The following CPNE4 variants were observed in gnomAD, a reference collection of about 807,000 sequenced individuals.
The protein encoded by CPNE4 is copine 4, also known as copine-4.
CPNE4 carries 25 observed loss-of-function variants against 67.9 expected under a neutral mutation model. The ratio of observed to expected loss-of-function variants is 0.37; its 90% confidence interval spans 0.27 to 0.51. CPNE4 has a LOEUF of 0.51. Among genes scored for constraint, CPNE4 ranks in the 20% least tolerant of loss-of-function variants. The pLI is 0.93. For synonymous variants in CPNE4, 242 were observed against 244.9 expected, an observed-to-expected ratio of 0.99 and a Z score of 0.11; for missense variants, 464 against 690.8, an observed-to-expected ratio of 0.67 and a Z score of 3.68.
chr3:131,883,103 C>T (rs983876236), intron 2 of CPNE4, among the ~76,000 whole-genome samples: 3 of 152,136 alleles, frequency 2.0e-5, no homozygotes, highest in African/African-American at 7.2e-5. Flanking sequence ...TTTACTTCTA[C>T]AAGAACTTAT....
intron 7 of CPNE4, among the ~76,000 whole-genome samples, chr3:131,624,710 T>G (rs1297393504): frequency 6.6e-6 from 1 of 152,186 alleles, no homozygotes; most frequent in African/African-American, 2.4e-5. Context: ...GGAGTAATTT[T>G]TCAGGAGGCA....
intron 1 of CPNE4, among the ~76,000 whole-genome samples, chr3:132,013,243 A>G (rs1420028390): frequency 3.3e-5 from 5 of 152,220 alleles, no homozygotes; most frequent in African/African-American, 1.2e-4. Flanking sequence ...GAAAATAAAA[A>G]GAATTCATGT....
intron 1 of CPNE4, among the ~76,000 whole-genome samples, chr3:132,002,819 A>C (rs1270927177): frequency 6.6e-6 from 1 of 152,176 alleles, no homozygotes; most frequent in Non-Finnish European, 1.5e-5. Context: ...AAATAGAAGA[A>C]TGGATCAAAA....
At chr3:131,573,938 C>G (rs2107680409) in intron 10 of CPNE4, among the ~76,000 whole-genome samples, 1 of 152,170 alleles carries the variant, frequency 6.6e-6, no homozygotes, top group South Asian at 2.1e-4. Context: ...TTAGGAAGGA[C>G]ATAGGTATAC....
chr3:131,910,993 A>G (rs1054870472), intron 1 of CPNE4, among the ~76,000 whole-genome samples: 2 of 152,202 alleles, frequency 1.3e-5, no homozygotes, highest in African/African-American at 4.8e-5. Flanking sequence ...TGTGGCAGAC[A>G]GAGGCTAAGA....
At chr3:131,838,927 C>T (rs2085665090) in intron 2 of CPNE4, among the ~76,000 whole-genome samples, 1 of 151,318 alleles carries the variant, frequency 6.6e-6, no homozygotes, top group Non-Finnish European at 1.5e-5. Flanking sequence ...TTTTCTTAGA[C>T]CAAATAAAAT....
chr3:131,677,746 G>A (rs1302044754), intron 6 of CPNE4, among the ~76,000 whole-genome samples: 2 of 151,982 alleles, frequency 1.3e-5, no homozygotes, highest in Non-Finnish European at 2.9e-5. Flanking sequence ...AGTTGAAGGT[G>A]GGTGGTCATA....
chr3:131,862,699 T>TTATATA (rs72370844), intron 2 of CPNE4, among the ~76,000 whole-genome samples: 23 of 138,488 alleles, frequency 1.7e-4, no homozygotes, highest in South Asian at 4.4e-4. Context: ...TTTTAAGTTC[T>TTATATA]TATATATATA....
chr3:131,680,938 T>G lies in CPNE4; in HGVS notation c.591+4937A>C, dbSNP rs1451492007. Among the ~76,000 whole-genome samples the G allele has an allele frequency of 2.6e-5, 4 of 152,230 alleles. No homozygotes were observed. In the East Asian group the frequency reaches 7.7e-4, roughly 29 times the overall value. ...TAATATTTGGTTTTCCATTCCTGAG[T>G]TACTTCACTTAGAATAATAATCTCC... On this transcript the variant is annotated intron_variant, in intron 6 of 15. Transcript: ENST00000429747.
chr3:131,697,618 A>G (rs1205019114), intron 4 of CPNE4, among the ~76,000 whole-genome samples: 1 of 152,208 alleles, frequency 6.6e-6, no homozygotes, highest in East Asian at 1.9e-4. Context: ...AAATGTGTGA[A>G]CAACTGAGAG....
intron 2 of CPNE4, among the ~76,000 whole-genome samples, chr3:131,821,511 A>G (rs2084957944): frequency 6.6e-6 from 1 of 152,084 alleles, no homozygotes. Context: ...TCAAGATGAA[A>G]GGCCTGGAGA....
chr3:131,718,975 T>C (rs373440895), intron 3 of CPNE4, among the ~76,000 whole-genome samples: 2 of 152,170 alleles, frequency 1.3e-5, no homozygotes, highest in East Asian at 3.9e-4. Flanking sequence ...ACAAATGTAA[T>C]ATTCTGTGCC....
chr3:132,015,393 C>A (rs1183432358), intron 1 of CPNE4, among the ~76,000 whole-genome samples: 2 of 152,080 alleles, frequency 1.3e-5, no homozygotes, highest in African/African-American at 4.8e-5. Context: ...TAGAAGGTAA[C>A]CCTTTCAACC....
At chr3:131,829,018 C>T (rs1172650041) in intron 2 of CPNE4, among the ~76,000 whole-genome samples, 2 of 152,100 alleles carry the variant, frequency 1.3e-5, no homozygotes, top group Non-Finnish European at 2.9e-5. Context: ...CAGGGGAGGC[C>T]GCACAATCGT....
intron 1 of CPNE4, among the ~76,000 whole-genome samples, chr3:132,010,600 G>A: frequency 6.6e-6 from 1 of 152,056 alleles, no homozygotes; most frequent in Admixed American, 6.5e-5. Flanking sequence ...CATTTTCAGT[G>A]GCCAGGCATA....
rs2073185339 is a variant in CPNE4 at position 131,992,013 on chromosome 3, C to T, written c.-2+42554G>A. Among the ~76,000 whole-genome samples, 2 of 136,606 alleles carry T rather than the reference C, an allele frequency of 1.5e-5. 1 individual carries two copies. Among genetic ancestry groups the T allele is most frequent in the South Asian group, 5.0e-4 (2 of 3,970 alleles). 89.6% of individuals were successfully genotyped at this position (136,606 alleles called of 152,430 possible). ...AGATTTCAAAGGAGGTATGGAAATG[C>T]CTGGATATCTAGGCAGAAGTTTCCT... On this transcript the variant is annotated intron_variant, in intron 1 of 15. Coordinates refer to ENST00000429747, the MANE Select transcript of CPNE4 (RefSeq NM_130808.3).
chr3:131,914,813 C>T (rs1053930867), intron 1 of CPNE4, among the ~76,000 whole-genome samples: 1 of 152,038 alleles, frequency 6.6e-6, no homozygotes, highest in African/African-American at 2.4e-5. Flanking sequence ...TCTGTCTCTA[C>T]TAAAAATACA....
intron 2 of CPNE4, among the ~76,000 whole-genome samples, chr3:131,755,831 C>G (rs1469899431): frequency 6.6e-6 from 1 of 152,192 alleles, no homozygotes; most frequent in Non-Finnish European, 1.5e-5. Flanking sequence ...TCTGGAAACT[C>G]TCAGGGTTGC....
chr3:131,940,997 G>A (rs1356465374), intron 1 of CPNE4, among the ~76,000 whole-genome samples: 4 of 151,988 alleles, frequency 2.6e-5, no homozygotes, highest in Admixed American at 6.6e-5. Flanking sequence ...AATAAAACAC[G>A]AAATAAGAGG....
Sources: allele counts gnomAD v4.1 joint callset (sites outside exome capture counted in the v4.1 genomes callset), GRCh38; gene constraint gnomAD v4.1.1; transcripts MANE v1.5; gene names NCBI Gene and HGNC (gene_info 2026-07-23, HGNC 2026-07-21).